Variants in LRFN5 observed in about 807,000 individuals in gnomAD.
LRFN5 encodes the protein leucine rich repeat and fibronectin type III domain containing 5.
Under a neutral mutation model 45.6 loss-of-function variants are expected in LRFN5, and 24 were observed. The observed-to-expected ratio is 0.53, with a 90% CI of 0.38 to 0.74. LRFN5 has a LOEUF of 0.74. LRFN5 is among the 30% of genes least tolerant of loss of function. The pLI is 0.00. For missense variants in LRFN5, 776 were observed against 861.5 expected (o/e 0.90, Z 1.24); for synonymous variants, 340 against 313.8 (o/e 1.08, Z -0.88).
chr14:41,706,421 A>C (rs964651931), intron 1 of LRFN5, among the ~76,000 whole-genome samples: 15 of 152,074 alleles, frequency 9.9e-5, no homozygotes, highest in Admixed American at 8.5e-4. Context: ...TTATCCTAAA[A>C]ATTTTAGTGC....
intron 1 of LRFN5, among the ~76,000 whole-genome samples, chr14:41,756,460 G>A (rs113984287): frequency 0.056 from 8,442 of 151,222 alleles, no homozygotes; most frequent in East Asian, 0.18. Flanking sequence ...GGCTTTATTC[G>A]TTTCTTTTTT....
chr14:41,692,448 G>A (rs1882419550), intron 1 of LRFN5, among the ~76,000 whole-genome samples: 1 of 151,746 alleles, frequency 6.6e-6, no homozygotes, highest in South Asian at 2.1e-4. Context: ...AAGTTCTAGG[G>A]TACATGTGCA....
chr14:41,652,877 C>T (rs1880197931), intron 1 of LRFN5, among the ~76,000 whole-genome samples: 1 of 151,992 alleles, frequency 6.6e-6, no homozygotes, highest in African/African-American at 2.4e-5. Context: ...GAGATGGTGT[C>T]TCACTGTGGT....
intron 2 of LRFN5, among the ~76,000 whole-genome samples, chr14:41,781,182 C>T (rs1318810238): frequency 1.3e-5 from 2 of 152,036 alleles, no homozygotes; most frequent in African/African-American, 4.8e-5. Context: ...CCTGAAAGAA[C>T]TTCTTTTAAA....
intron 1 of LRFN5, among the ~76,000 whole-genome samples, chr14:41,626,263 C>A (rs1424629908): frequency 6.6e-6 from 1 of 151,958 alleles, no homozygotes; most frequent in East Asian, 1.9e-4. Flanking sequence ...CCAGTATATG[C>A]TACTTACTGT....
chr14:41,683,047 C>A (rs1214304363), intron 1 of LRFN5, among the ~76,000 whole-genome samples: 3 of 152,166 alleles, frequency 2.0e-5, no homozygotes, highest in African/African-American at 7.2e-5. Flanking sequence ...AGTGTTCCTA[C>A]TGAACATTGA....
In LRFN5 at chr14:41,819,989, T is replaced by A. The variant is rs531778286; in HGVS notation, c.-21+52960T>A. 2.6e-5 allele frequency among the ~76,000 whole-genome samples: 4 copies of A among 152,112 alleles called. No homozygotes were observed. The South Asian group carries it at 8.3e-4, about 32-fold the overall frequency. On this transcript the variant is annotated intron_variant, in intron 2 of 5. Coordinates refer to ENST00000298119, the MANE Select transcript of LRFN5 (RefSeq NM_152447.5). ...TTTTTTTATTTTTCATGCTGATTTC[T>A]TTGGCATTCTTTTAGATGCTGGAAA...
At chr14:41,634,630 A>G (rs1381204718) in intron 1 of LRFN5, among the ~76,000 whole-genome samples, 1 of 152,186 alleles carries the variant, frequency 6.6e-6, no homozygotes, top group Admixed American at 6.6e-5. Flanking sequence ...ACTTTCTTTC[A>G]GGGCTTGGTT....
At chr14:41,776,697 GCTTTC>G (rs1566433686) in intron 2 of LRFN5, among the ~76,000 whole-genome samples, 1 of 151,968 alleles carries the variant, frequency 6.6e-6, no homozygotes, top group African/African-American at 2.4e-5. Context: ...AAAATAAAAA[GCTTTC>G]ATTTAATGTG....
intron 2 of LRFN5, among the ~76,000 whole-genome samples, chr14:41,862,286 T>C (rs1889691811): frequency 6.6e-6 from 1 of 152,248 alleles, no homozygotes; most frequent in African/African-American, 2.4e-5. Context: ...TCTTGAGTTC[T>C]ACATTATTAA....
chr14:41,768,292 G>A (rs1295242512), intron 2 of LRFN5, among the ~76,000 whole-genome samples: 1 of 152,142 alleles, frequency 6.6e-6, no homozygotes, highest in Admixed American at 6.6e-5. Context: ...TCAAGGTGGT[G>A]TAGAAGGACT....
intron 2 of LRFN5, among the ~76,000 whole-genome samples, chr14:41,847,750 A>G (rs755919842): frequency 1.4e-4 from 22 of 152,196 alleles, no homozygotes; most frequent in Non-Finnish European, 2.6e-4. Context: ...AAATTTATGA[A>G]TTATTTTTAT....
At chr14:41,757,839 C>G (rs1006800485) in intron 1 of LRFN5, among the ~76,000 whole-genome samples, 8 of 152,156 alleles carry the variant, frequency 5.3e-5, no homozygotes, top group African/African-American at 1.9e-4. Flanking sequence ...CACCAGTCTT[C>G]TGCGTGGCTC....
intron 2 of LRFN5, among the ~76,000 whole-genome samples, chr14:41,835,425 A>G (rs911388398): frequency 1.3e-5 from 2 of 152,238 alleles, no homozygotes; most frequent in Non-Finnish European, 2.9e-5. Context: ...GCAGATGCTT[A>G]TGTTTGGATT....
At chr14:41,877,020 A>G (rs900167096) in intron 2 of LRFN5, among the ~76,000 whole-genome samples, 1 of 152,206 alleles carries the variant, frequency 6.6e-6, no homozygotes, top group African/African-American at 2.4e-5. Flanking sequence ...TTTATATGAA[A>G]GTGCTACATA....
rs149530426 is a variant in LRFN5, at chr14:41,755,147, T to C, written c.-196-11707T>C. Reference sequence around the variant, plus strand: ...CTGCGAGACAGTTTGTTATAATTTCTGTTCTTTTACATTTGCTGAGGAGAG... The same window carrying C: ...CTGCGAGACAGTTTGTTATAATTTCCGTTCTTTTACATTTGCTGAGGAGAG... On this transcript the variant is annotated intron_variant, in intron 1 of 5. Transcript: ENST00000298119. Among the ~76,000 whole-genome samples, 962 of 152,300 alleles carry C rather than the reference T, an allele frequency of 6.3e-3. 13 individuals carry two copies. Among genetic ancestry groups the C allele is most frequent in the African/African-American group, 0.021 (892 of 41,568 alleles).
intron 1 of LRFN5, among the ~76,000 whole-genome samples, chr14:41,615,634 A>G (rs1025615919): frequency 3.3e-5 from 5 of 152,180 alleles, no homozygotes; most frequent in Admixed American, 3.3e-4. Context: ...CAGGGCCATT[A>G]CTTCATTGCT....
At chr14:41,675,020 A>T (rs1216979788) in intron 1 of LRFN5, among the ~76,000 whole-genome samples, 1 of 149,426 alleles carries the variant, frequency 6.7e-6, no homozygotes, top group African/African-American at 2.5e-5. Context: ...CCGGGCAGAG[A>T]CGCTCCTCAC....
chr14:41,612,525 A>G (rs908436087), intron 1 of LRFN5, among the ~76,000 whole-genome samples: 1 of 152,144 alleles, frequency 6.6e-6, no homozygotes, highest in African/African-American at 2.4e-5. Context: ...TAGGTGTGAG[A>G]GCCCCTAGAA....
Sources: allele counts gnomAD v4.1 joint callset (sites outside exome capture counted in the v4.1 genomes callset), GRCh38; gene constraint gnomAD v4.1.1; transcripts MANE v1.5; gene names NCBI Gene and HGNC (gene_info 2026-07-23, HGNC 2026-07-21).